Variants in GRAMD2B observed in about 807,000 individuals in gnomAD.
The protein encoded by GRAMD2B is GRAM domain-containing protein 2B.
Under a neutral mutation model 59.2 loss-of-function variants are expected in GRAMD2B, and 41 were observed. The ratio of observed to expected loss-of-function variants is 0.69; its 90% CI spans 0.54 to 0.90. The LOEUF (loss-of-function observed/expected upper bound fraction) is 0.90. GRAMD2B is among the 40% of genes least tolerant of loss of function. The pLI, the probability that GRAMD2B is intolerant of heterozygous loss-of-function variation, is 0.00. For missense variants in GRAMD2B, 424 were observed against 500.5 expected (o/e 0.85, Z 1.46); for synonymous variants, 161 against 182.7 (o/e 0.88, Z 0.96).
At chr5:126,425,318 G>A (rs909419559) in intron 1 of GRAMD2B, among the ~76,000 whole-genome samples, 5 of 152,174 alleles carry the variant, frequency 3.3e-5, no homozygotes, top group Admixed American at 2.6e-4. Flanking sequence ...AAAGGGATAA[G>A]AAAATGTGGT....
intron 3 of GRAMD2B, among the ~76,000 whole-genome samples, chr5:126,471,582 A>AC (rs1769596968): frequency 6.6e-6 from 1 of 152,162 alleles, no homozygotes; most frequent in South Asian, 2.1e-4. Context: ...GTAGCCTACT[A>AC]CTGCATCCTA....
Position 126,493,054 on chromosome 5 carries a change from G to A in GRAMD2B, c.*98G>A. 3 of 853,946 alleles carry A rather than the reference G, an allele frequency of 3.5e-6. No homozygotes were observed. Among genetic ancestry groups the A allele is most frequent in the Non-Finnish European group, 5.9e-6 (3 of 510,630 alleles). 52.9% of individuals were successfully genotyped at this position (853,946 alleles called of 1,614,324 possible). ...TTTGAGTGCACCCTGCTGGTCAGAG[G>A]TGCAAGCAGATGAGAATCCAGACAT... On this transcript the variant is annotated 3_prime_UTR_variant, in exon 14 of 14. Coordinates refer to ENST00000285689, the MANE Select transcript of GRAMD2B (RefSeq NM_023927.4).
intron 13 of GRAMD2B, among the ~76,000 whole-genome samples, chr5:126,490,789 A>C (rs1773790486): frequency 6.6e-6 from 1 of 152,116 alleles, no homozygotes; most frequent in African/African-American, 2.4e-5. Flanking sequence ...GGGGCCGGTG[A>C]TGTCTAAGCC....
chr5:126,450,389 C>G (rs187864644), intron 1 of GRAMD2B, among the ~76,000 whole-genome samples: 1 of 152,280 alleles, frequency 6.6e-6, no homozygotes, highest in East Asian at 1.9e-4. Context: ...TATATTCTCT[C>G]TCTCTCTCTG....
At chr5:126,471,180 T>C (rs1464090139) in intron 3 of GRAMD2B, among the ~76,000 whole-genome samples, 7 of 152,142 alleles carry the variant, frequency 4.6e-5, no homozygotes, top group Non-Finnish European at 8.8e-5. Flanking sequence ...AATAAAGCCA[T>C]CCAGGGCCTC....
chr5:126,465,550 G>A lies in GRAMD2B; in HGVS notation c.203+5G>A. On this transcript the variant is annotated splice_donor_5th_base_variant and intron_variant, in intron 2 of 13. Transcript: ENST00000285689. The stretch of plus-strand genomic sequence containing the variant: ...GAAGAAAATCATTAGCCTATGGTAA[G>A]TCCTCCGTTGACTCTCTTTGTTCTC... 1 of 1,611,970 alleles carries A rather than the reference G, an allele frequency of 6.2e-7. No homozygotes were observed. Among genetic ancestry groups the A allele is most frequent in the Non-Finnish European group, 8.5e-7 (1 of 1,179,350 alleles).
chr5:126,373,970 A>G lies in GRAMD2B; in HGVS notation c.125+2403A>G, dbSNP rs78399254. Among the ~76,000 whole-genome samples the G allele has an allele frequency of 8.8e-3, 1,336 of 152,346 alleles. 19 individuals carry two copies. The highest frequency in any genetic ancestry group is 0.03 in the African/African-American group (1,265 of 41,574). On this transcript the variant is annotated intron_variant, in intron 1 of 8. Coordinates refer to the GRAMD2B transcript ENST00000506445. ...TGAGGGTTTAGAATAGAAGAGTGTC[A>G]TAACGTGACATTCACTTTAAAAGAG... is the stretch of plus-strand genomic sequence containing the variant.
At chr5:126,409,964 G>C (rs1248698822) in intron 1 of GRAMD2B, among the ~76,000 whole-genome samples, 3,631 of 151,318 alleles carry the variant, frequency 0.024, 141 homozygotes, top group African/African-American at 0.082. Flanking sequence ...CCCATTGCTT[G>C]TTTTTCTCAG....
intron 1 of GRAMD2B, among the ~76,000 whole-genome samples, chr5:126,376,819 G>A (rs2149698387): frequency 6.6e-6 from 1 of 152,220 alleles, no homozygotes. Flanking sequence ...CAGCAAATGG[G>A]CAAGGTCAGG....
chr5:126,429,385 G>A (rs1761185488), intron 1 of GRAMD2B, among the ~76,000 whole-genome samples: 1 of 152,144 alleles, frequency 6.6e-6, no homozygotes. Context: ...ATCTATTGGA[G>A]GGTGGAGGGT....
chr5:126,420,070 A>AAAAAG (rs1554076419), upstream of GRAMD2B, among the ~76,000 whole-genome samples: 1 of 148,130 alleles, frequency 6.8e-6, no homozygotes, highest in African/African-American at 2.6e-5. Flanking sequence ...AAAAAAAAAA[A>AAAAAG]AAAGAAAGAA....
intron 5 of GRAMD2B, among the ~76,000 whole-genome samples, chr5:126,477,261 A>G (rs1006098757): frequency 6.6e-6 from 1 of 152,340 alleles, no homozygotes; most frequent in East Asian, 1.9e-4. Flanking sequence ...CAGATTTTCT[A>G]TCCAGTGATG....
At chr5:126,439,869 C>G (rs1763008414) in intron 1 of GRAMD2B, among the ~76,000 whole-genome samples, 1 of 152,080 alleles carries the variant, frequency 6.6e-6, no homozygotes, top group Non-Finnish European at 1.5e-5. Context: ...GTGAATAAGT[C>G]TCATGAGAAC....
At chr5:126,492,594 G>A (rs1047707960) in intron 13 of GRAMD2B, among the ~76,000 whole-genome samples, 2 of 151,706 alleles carry the variant, frequency 1.3e-5, no homozygotes, top group African/African-American at 2.4e-5. Context: ...GATGGTGCAC[G>A]CCTGAAGTCC....
intron 1 of GRAMD2B, among the ~76,000 whole-genome samples, chr5:126,411,556 T>A (rs764485586): frequency 6.6e-6 from 1 of 152,182 alleles, no homozygotes; most frequent in Non-Finnish European, 1.5e-5. Flanking sequence ...AGCTTTGTTC[T>A]TTTTGCTCAC....
chr5:126,370,592 T>C (rs7702112), upstream of GRAMD2B, among the ~76,000 whole-genome samples: 49,366 of 152,092 alleles, frequency 0.32, 8,194 homozygotes, highest in African/African-American at 0.36. Context: ...AATGCATATC[T>C]AGGTAACAAT....
chr5:126,421,558 G>T (rs1017632789), upstream of GRAMD2B, among the ~76,000 whole-genome samples: 2 of 152,152 alleles, frequency 1.3e-5, no homozygotes, highest in Admixed American at 1.3e-4. Flanking sequence ...GCAGTCAGTG[G>T]TCAGGAAAGA....
chr5:126,391,319 CAAAAAAAA>C lies in GRAMD2B; in HGVS notation c.125+19766_125+19773del, dbSNP rs61181985. Among the ~76,000 whole-genome samples the C allele has an allele frequency of 5.2e-5, 4 of 76,350 alleles. 1 individual carries two copies. The highest frequency in any genetic ancestry group is 1.0e-4 in the Non-Finnish European group (4 of 38,450). The allele number at this position is 76,350 out of a possible 152,430, so 50.1% of individuals were successfully genotyped here. ...TGGGCAAGAGAGGGAGACTCCATCT[CAAAAAAAA>C]AAAAAAAAAAAAACTTGTACACTGT... On this transcript the variant is annotated intron_variant, in intron 1 of 8. Coordinates refer to the GRAMD2B transcript ENST00000506445.
At chr5:126,395,898 C>T (rs753251717) in intron 1 of GRAMD2B, among the ~76,000 whole-genome samples, 1 of 152,146 alleles carries the variant, frequency 6.6e-6, no homozygotes, top group East Asian at 1.9e-4. Context: ...GAAATGATTA[C>T]CACAATTGAG....
Sources: allele counts gnomAD v4.1 joint callset (sites outside exome capture counted in the v4.1 genomes callset), GRCh38; gene constraint gnomAD v4.1.1; transcripts MANE v1.5; gene names NCBI Gene and HGNC (gene_info 2026-07-23, HGNC 2026-07-21).